Variants in SNX18 observed in about 807,000 individuals in gnomAD.
SNX18 encodes sorting nexin 18, also known as sorting nexin-18.
SNX18 carries 35 observed loss-of-function variants against 48.7 expected under a neutral mutation model. That is an observed-to-expected ratio of 0.72 (90% CI 0.55 to 0.95). The LOEUF (loss-of-function observed/expected upper bound fraction) is 0.95, where lower values mean the gene tolerates loss of function less well. SNX18 is among the 40% of genes least tolerant of loss of function. The pLI is 0.00. For missense variants in SNX18, 824 were observed against 871.0 expected (o/e 0.95, Z 0.68); for synonymous variants, 492 against 384.7 (o/e 1.28, Z -3.26).
At chr5:54,556,434 T>C in the SNX18 span, among the ~76,000 whole-genome samples, 2 of 152,198 alleles carry the variant, frequency 1.3e-5, no homozygotes, top group Non-Finnish European at 2.9e-5. Context: ...CAAAGTCTCA[T>C]GGAATCTTTC....
the SNX18 span, among the ~76,000 whole-genome samples, chr5:54,608,096 C>A: frequency 2.0e-5 from 3 of 152,158 alleles, no homozygotes; most frequent in Admixed American, 6.5e-5. Flanking sequence ...GACTGCCAAA[C>A]TATTTTCCAG....
At chr5:54,585,610 T>A in the SNX18 span, among the ~76,000 whole-genome samples, 2 of 151,360 alleles carry the variant, frequency 1.3e-5, no homozygotes, top group African/African-American at 4.9e-5. Context: ...TAGGATGGAG[T>A]CAGAGTGAGA....
At chr5:54,525,722 T>A (rs1762120370) in intron 1 of SNX18, among the ~76,000 whole-genome samples, 1 of 152,198 alleles carries the variant, frequency 6.6e-6, no homozygotes, top group African/African-American at 2.4e-5. Context: ...TCCTCATCTG[T>A]AAAAGTGAGG....
the SNX18 span, among the ~76,000 whole-genome samples, chr5:54,583,069 C>G: frequency 6.6e-6 from 1 of 152,248 alleles, no homozygotes; most frequent in East Asian, 1.9e-4. Flanking sequence ...TATTATTCAC[C>G]ATTGTATGTG....
chr5:54,580,707 C>T, the SNX18 span, among the ~76,000 whole-genome samples: 1 of 152,086 alleles, frequency 6.6e-6, no homozygotes, highest in African/African-American at 2.4e-5. Flanking sequence ...ATTCATCAAA[C>T]CTATATAGTA....
intron 1 of SNX18, among the ~76,000 whole-genome samples, chr5:54,528,512 G>A (rs1289290500): frequency 1.3e-5 from 2 of 152,220 alleles, no homozygotes; most frequent in African/African-American, 2.4e-5. Flanking sequence ...CATGGTCACA[G>A]TGTGACTTTT....
In SNX18 at chr5:54,518,356, C is replaced by G. The variant is rs1351588163; in HGVS notation, c.404C>G (p.Pro135Arg). ...GFPYGGGALQ[P>R]SPQQLYGGYQ... ...CCGTACGGCGGGGGCGCCCTGCAGC[C>G]GTCGCCTCAGCAGCTCTACGGCGGC... is the stretch of plus-strand genomic sequence containing the variant. The change falls in exon 1 of 2, where the codon CCG becomes CGG. Residue 135 changes from proline (P) to arginine (R), a missense_variant. By Grantham distance (103) the Pro-to-Arg change is moderately radical. This residue lies in a region of SNX18 where 377 missense variants were observed against 350.6 expected (regional missense o/e 1.08). Coordinates refer to ENST00000381410, the MANE Select transcript of SNX18 (RefSeq NM_001102575.2). 5 of 1,540,336 alleles carry G rather than the reference C, an allele frequency of 3.2e-6. No individual in the cohort carries two copies. The highest frequency in any genetic ancestry group is 1.2e-5 in the South Asian group (1 of 83,026).
Position 54,519,182 on chromosome 5 carries a change from C to T in SNX18, c.1230C>T (p.Thr410=), listed in dbSNP as rs1322372494. The T allele has an allele frequency of 1.2e-6, 2 of 1,613,794 alleles. No homozygotes were observed. Among genetic ancestry groups the T allele is most frequent in the East Asian group, 2.2e-5 (1 of 44,874 alleles). The part of the protein sequence containing the change: ...DEMVGANFFL[T]LSTPPAAALD... ...TGGTGGGCGCCAACTTCTTCCTGAC[C>T]CTTAGCACGCCCCCCGCCGCTGCCC... Residue 410 remains threonine (T), a synonymous_variant, in exon 1 of 2, where the codon ACC becomes ACT. Transcript: ENST00000381410.
the SNX18 span, among the ~76,000 whole-genome samples, chr5:54,596,078 A>G: frequency 6.6e-6 from 1 of 152,042 alleles, no homozygotes; most frequent in Non-Finnish European, 1.5e-5. Context: ...AGCTGGAAAG[A>G]CCTCTGATCT....
Position 54,527,205 on chromosome 5 carries a change from C to T in SNX18, c.1621+7632C>T, listed in dbSNP as rs1031145823. On this transcript the variant is annotated intron_variant, in intron 1 of 1. Transcript: ENST00000381410. ...TATGACATCCAACTGGACATATTAA[C>T]AGACTTAGTCCAGAGCAATGAGAAT... Among the ~76,000 whole-genome samples, 162 of 152,220 alleles carry T rather than the reference C, an allele frequency of 1.1e-3. 3 individuals carry two copies. Among genetic ancestry groups the T allele is most frequent in the Admixed American group, 0.01 (159 of 15,306 alleles).
the SNX18 span, among the ~76,000 whole-genome samples, chr5:54,619,651 A>T: frequency 1.3e-5 from 2 of 152,224 alleles, no homozygotes; most frequent in Non-Finnish European, 2.9e-5. Context: ...AAAGTGACTG[A>T]GGCAGATCTC....
the SNX18 span, among the ~76,000 whole-genome samples, chr5:54,573,415 G>A: frequency 2.6e-5 from 4 of 152,080 alleles, no homozygotes; most frequent in African/African-American, 9.7e-5. Context: ...CCCCTTTCCT[G>A]TAACAAGCCT....
chr5:54,613,441 C>T, the SNX18 span, among the ~76,000 whole-genome samples: 6 of 152,142 alleles, frequency 3.9e-5, no homozygotes, highest in East Asian at 1.2e-3. Context: ...CCGGAAGCCA[C>T]TCCTGCAATA....
At chr5:54,577,192 A>T in the SNX18 span, among the ~76,000 whole-genome samples, 1 of 152,292 alleles carries the variant, frequency 6.6e-6, no homozygotes, top group South Asian at 2.1e-4. Context: ...TTTAGCCATG[A>T]CACCTTGGCA....
chr5:54,644,135 T>C, the SNX18 span: 1 of 152,244 alleles, frequency 6.6e-6, no homozygotes, highest in Non-Finnish European at 1.5e-5. Context: ...ACAGTAGCCA[T>C]GTTTCCCTGG....
chr5:54,517,979 C>T lies in SNX18; in HGVS notation c.27C>T (p.Tyr9=). 1.3e-6 allele frequency: 2 copies of T among 1,534,790 alleles called. No individual in the cohort carries two copies. The highest frequency in any genetic ancestry group is 1.7e-6 in the Non-Finnish European group (2 of 1,142,992). Reference sequence around the variant, plus strand: ...TGGCGCTGCGCGCCCGGGCGCTGTACGACTTCAGGTCGGAGAACCCAGGAG... The same window carrying T: ...TGGCGCTGCGCGCCCGGGCGCTGTATGACTTCAGGTCGGAGAACCCAGGAG... The part of the protein sequence containing the change: MALRARAL[Y]DFRSENPGEI... The change falls in exon 1 of 2, where the codon TAC becomes TAT. Residue 9 remains tyrosine (Y), a synonymous_variant. Transcript: ENST00000381410.
At chr5:54,621,983 A>G in the SNX18 span, among the ~76,000 whole-genome samples, 7 of 152,362 alleles carry the variant, frequency 4.6e-5, no homozygotes, top group South Asian at 4.1e-4. Context: ...ACTGCCTGGT[A>G]ATAATCCGGT....
At chr5:54,637,920 G>GA in the SNX18 span, among the ~76,000 whole-genome samples, 10 of 152,038 alleles carry the variant, frequency 6.6e-5, no homozygotes, top group Admixed American at 5.9e-4. Flanking sequence ...CACGCAGCAG[G>GA]AAACCCGGGC....
chr5:54,579,419 T>G, the SNX18 span, among the ~76,000 whole-genome samples: 5 of 152,178 alleles, frequency 3.3e-5, no homozygotes, highest in African/African-American at 1.2e-4. Flanking sequence ...CCAGATATAT[T>G]TTAGCCAATA....
Sources: allele counts gnomAD v4.1 joint callset (sites outside exome capture counted in the v4.1 genomes callset), GRCh38; gene constraint gnomAD v4.1.1; regional missense constraint gnomAD v4.1.1; transcripts MANE v1.5; gene names NCBI Gene and HGNC (gene_info 2026-07-23, HGNC 2026-07-21).